The following JAKMIP1 variants were observed in gnomAD, a reference collection of about 807,000 sequenced individuals.
JAKMIP1 encodes janus kinase and microtubule interacting protein 1.
A neutral mutation model predicts 113.0 loss-of-function variants in JAKMIP1; 33 were observed. The ratio of observed to expected loss-of-function variants is 0.29; its 90% confidence interval spans 0.22 to 0.39. The LOEUF is 0.39. Among genes scored for constraint, JAKMIP1 ranks in the 10% least tolerant of loss-of-function variants. The pLI, the probability that JAKMIP1 is intolerant of heterozygous loss-of-function variation, is 1.00. For synonymous variants in JAKMIP1, 480 were observed against 459.9 expected, an observed-to-expected ratio of 1.04 and a Z score of -0.56; for missense variants, 813 against 1,080.5, an observed-to-expected ratio of 0.75 and a Z score of 3.47.
At position 6,059,601 on chromosome 4, in the gene JAKMIP1, T is replaced by G. The variant is rs1194360334; in HGVS notation, c.1644+823A>C. ...TTAGTGGGGCCACGTGACTGATGAA[T>G]TTTGCTGAGGCAGCAAACAGCCAAG... On this transcript the variant is annotated intron_variant, in intron 11 of 20. Coordinates refer to ENST00000409021, the MANE Select transcript of JAKMIP1 (RefSeq NM_001099433.2). This position sits in a 1 kb window ranked among gnomAD's most constrained non-coding sequence, Gnocchi z 4.8. Among the ~76,000 whole-genome samples, 1 of 151,906 alleles carries G rather than the reference T, an allele frequency of 6.6e-6. No homozygotes were observed. The highest frequency in any genetic ancestry group is 1.5e-5 in the Non-Finnish European group (1 of 67,984).
intron 8 of JAKMIP1, among the ~76,000 whole-genome samples, chr4:6,072,953 A>C (rs1719183366): frequency 1.3e-5 from 2 of 151,488 alleles, no homozygotes; most frequent in Non-Finnish European, 2.9e-5. Flanking sequence ...CTGGTGGCAC[A>C]CTCCCAGCTA....
intron 1 of JAKMIP1, among the ~76,000 whole-genome samples, chr4:6,175,987 T>G (rs1178987220): frequency 6.6e-6 from 1 of 152,224 alleles, no homozygotes; most frequent in Non-Finnish European, 1.5e-5. Context: ...ATGAGGTCCC[T>G]TGCTCATTAT....
chr4:6,158,244 A>G lies in JAKMIP1; in HGVS notation c.-148+42009T>C, dbSNP rs1722493351. ...CCCAACTTTGCCCTGCGGATACTAC[A>G]TGCTTCTCACCAGGGGTCACAAGCT... On this transcript the variant is annotated intron_variant, in intron 1 of 20. Transcript: ENST00000409021. The surrounding 1 kb of genome is among the most constrained non-coding windows in gnomAD (Gnocchi z 5.3). Among the ~76,000 whole-genome samples the G allele has an allele frequency of 6.6e-6, 1 of 152,150 alleles. No homozygotes were observed. Among genetic ancestry groups the G allele is most frequent in the South Asian group, 2.1e-4 (1 of 4,826 alleles).
rs545668156 is a variant in JAKMIP1 at position 6,128,536 on chromosome 4, C to G, written c.-147-15539G>C. Among the ~76,000 whole-genome samples, 8 of 150,924 alleles carry G rather than the reference C, an allele frequency of 5.3e-5. No individual in the cohort carries two copies. The East Asian group carries it at 1.6e-3, about 30-fold the overall frequency. On this transcript the variant is annotated intron_variant, in intron 1 of 20. Transcript: ENST00000409021. ...TTTGTCCCCACAACAGGAGACCCAG[C>G]TGGTCTTCAATGTGCTTCTTCAAGT... is the stretch of plus-strand genomic sequence containing the variant.
chr4:6,094,127 C>G lies in JAKMIP1; in HGVS notation c.625-8498G>C, dbSNP rs2108848202. On this transcript the variant is annotated intron_variant, in intron 3 of 20. Coordinates refer to ENST00000409021, the MANE Select transcript of JAKMIP1 (RefSeq NM_001099433.2). The surrounding 1 kb of genome is among the most constrained non-coding windows in gnomAD (Gnocchi z 4.2). ...GCCCAGCAGGCATCTATATAGGGAA[C>G]ATGCATCGAACACATGCCACTGTCA... Among the ~76,000 whole-genome samples, 1 of 152,090 alleles carries G rather than the reference C, an allele frequency of 6.6e-6. No individual in the cohort carries two copies. The highest frequency in any genetic ancestry group is 2.1e-4 in the South Asian group (1 of 4,806).
chr4:6,110,628 G>A (rs1714769578), intron 2 of JAKMIP1, among the ~76,000 whole-genome samples: 1 of 143,236 alleles, frequency 7.0e-6, no homozygotes, highest in Non-Finnish European at 1.5e-5. Context: ...ATGGTCATGT[G>A]AGCGTATGAC....
At chr4:6,099,436 C>T (rs578060946) in intron 3 of JAKMIP1, among the ~76,000 whole-genome samples, 3 of 152,246 alleles carry the variant, frequency 2.0e-5, no homozygotes, top group Non-Finnish European at 2.9e-5. Context: ...CATAGCGTCA[C>T]GCACCCCCTC....
At position 6,112,980 on chromosome 4, in the gene JAKMIP1, C is replaced by A. The variant is rs1715204915; in HGVS notation, c.-130G>T. The A allele has an allele frequency of 1.5e-6, 2 of 1,317,272 alleles. No individual in the cohort carries two copies. Among genetic ancestry groups the A allele is most frequent in the East Asian group, 5.2e-5 (2 of 38,206 alleles). 81.6% of individuals were successfully genotyped at this position (1,317,272 alleles called of 1,614,324 possible). On this transcript the variant is annotated 5_prime_UTR_variant, in exon 2 of 21. Coordinates refer to ENST00000409021, the MANE Select transcript of JAKMIP1 (RefSeq NM_001099433.2). ...GGACTCAGCTCGCCCTCCGAGGAAA[C>A]CACCATCACTTGGGATCCTGAAGGA...
chr4:6,132,164 A>G (rs1718596328), intron 1 of JAKMIP1, among the ~76,000 whole-genome samples: 1 of 152,188 alleles, frequency 6.6e-6, no homozygotes, highest in Non-Finnish European at 1.5e-5. Flanking sequence ...AATGGGAGAG[A>G]CGAAACGGGA....
chr4:6,117,384 T>C (rs1029966110), intron 1 of JAKMIP1, among the ~76,000 whole-genome samples: 1 of 151,972 alleles, frequency 6.6e-6, no homozygotes. Context: ...AACCAACAAG[T>C]TTTTATTAGG....
chr4:6,071,077 G>A (rs1400192754), intron 8 of JAKMIP1, among the ~76,000 whole-genome samples: 6 of 152,268 alleles, frequency 3.9e-5, no homozygotes, highest in African/African-American at 1.4e-4. Context: ...ACATAGCAAA[G>A]TTCATGTATG....
intron 1 of JAKMIP1, among the ~76,000 whole-genome samples, chr4:6,160,257 T>C (rs1722747687): frequency 6.6e-6 from 1 of 152,138 alleles, no homozygotes; most frequent in Admixed American, 6.5e-5. Flanking sequence ...ACTGATGGGA[T>C]TTTTAGAGTC....
intron 1 of JAKMIP1, among the ~76,000 whole-genome samples, chr4:6,123,085 T>C (rs1165398471): frequency 6.6e-6 from 1 of 152,250 alleles, no homozygotes; most frequent in Non-Finnish European, 1.5e-5. Flanking sequence ...ATTTAGGAAA[T>C]GCAAAAGGCT....
chr4:6,098,941 G>A (rs1560182190), intron 3 of JAKMIP1, among the ~76,000 whole-genome samples: 2 of 152,080 alleles, frequency 1.3e-5, no homozygotes, highest in African/African-American at 2.4e-5. Context: ...TAGCTTTTGT[G>A]CTCATCTTCT....
At chr4:6,189,767 G>T (rs1727039714) in intron 1 of JAKMIP1, among the ~76,000 whole-genome samples, 1 of 152,190 alleles carries the variant, frequency 6.6e-6, no homozygotes, top group African/African-American at 2.4e-5. Context: ...GCCTGGGGAT[G>T]GAGTTTTCTG....
At chr4:6,174,240 T>C (rs1339009986) in intron 1 of JAKMIP1, among the ~76,000 whole-genome samples, 1 of 152,154 alleles carries the variant, frequency 6.6e-6, no homozygotes, top group Non-Finnish European at 1.5e-5. Flanking sequence ...GAAAGAGCAG[T>C]TGTAAACAGG....
Position 6,112,705 on chromosome 4 carries a change from C to G in JAKMIP1, c.129+17G>C. The G allele has an allele frequency of 2.5e-6, 4 of 1,612,142 alleles. No homozygotes were observed. Among genetic ancestry groups the G allele is most frequent in the Non-Finnish European group, 3.4e-6 (4 of 1,179,342 alleles). On this transcript the variant is annotated intron_variant, in intron 2 of 20. Coordinates refer to ENST00000409021, the MANE Select transcript of JAKMIP1 (RefSeq NM_001099433.2). The stretch of plus-strand genomic sequence containing the variant: ...CATTTGCAGCCCAGCCGCTGCTGAG[C>G]TGACGCCAACCCCCACCTTGCTTTT...
chr4:6,096,691 G>A (rs1711840710), intron 3 of JAKMIP1, among the ~76,000 whole-genome samples: 1 of 152,194 alleles, frequency 6.6e-6, no homozygotes, highest in Admixed American at 6.5e-5. Context: ...AGTACGGGTT[G>A]AGTATCCCTT....
rs549780655 is a variant in JAKMIP1 at position 6,137,606 on chromosome 4, G to A, written c.-147-24609C>T. Among the ~76,000 whole-genome samples, 436 of 152,294 alleles carry A rather than the reference G, an allele frequency of 2.9e-3. 5 individuals carry two copies. Among genetic ancestry groups the A allele is most frequent in the African/African-American group, 1.0e-2 (414 of 41,552 alleles). On this transcript the variant is annotated intron_variant, in intron 1 of 20. Transcript: ENST00000409021. The surrounding 1 kb of genome is among the most constrained non-coding windows in gnomAD (Gnocchi z 4.5). Reference sequence around the variant, plus strand: ...TTTTCAGCCAATCCACACTCTCTCCGCACCTGGAGGCAATGACCCCCACAG... The same window carrying A: ...TTTTCAGCCAATCCACACTCTCTCCACACCTGGAGGCAATGACCCCCACAG...
Sources: allele counts gnomAD v4.1 joint callset (sites outside exome capture counted in the v4.1 genomes callset), GRCh38; gene constraint gnomAD v4.1.1; non-coding constraint Gnocchi (gnomAD v3.1); transcripts MANE v1.5; gene names NCBI Gene and HGNC (gene_info 2026-07-23, HGNC 2026-07-21).